The following GRID2 variants were observed in gnomAD, a reference collection of about 807,000 sequenced individuals.
GRID2 encodes the protein glutamate receptor ionotropic, delta-2.
A neutral mutation model predicts 114.8 loss-of-function variants in GRID2; 33 were observed. The ratio of observed to expected loss-of-function variants is 0.29; its 90% CI spans 0.22 to 0.38. The LOEUF is 0.38. Among genes scored for constraint, GRID2 ranks in the 10% least tolerant of loss-of-function variants. The pLI, the probability that GRID2 is intolerant of heterozygous loss-of-function variation, is 1.00. For synonymous variants in GRID2, 505 were observed against 449.9 expected (o/e 1.12, Z -1.55); for missense variants, 1,184 against 1,257.7 (o/e 0.94, Z 0.89).
chr4:93,461,938 A>G (rs951065404), intron 11 of GRID2, among the ~76,000 whole-genome samples: 1 of 152,156 alleles, frequency 6.6e-6, no homozygotes, highest in Non-Finnish European at 1.5e-5. Context: ...GAGGACTTCA[A>G]TGACTTTGCA....
intron 2 of GRID2, among the ~76,000 whole-genome samples, chr4:93,000,377 G>T (rs1377419886): frequency 1.3e-5 from 2 of 151,542 alleles, no homozygotes; most frequent in East Asian, 3.9e-4. Flanking sequence ...TGAATACCAT[G>T]ATTGGAGCTA....
At position 93,328,995 on chromosome 4, in the gene GRID2, A is replaced by C. The variant is rs150106057; in HGVS notation, c.1246-66612A>C. 2.0e-5 allele frequency among the ~76,000 whole-genome samples: 3 copies of C among 152,328 alleles called. No homozygotes were observed. In the East Asian group the frequency reaches 5.8e-4, roughly 29 times the overall value. On this transcript the variant is annotated intron_variant, in intron 8 of 15. Coordinates refer to ENST00000282020, the MANE Select transcript of GRID2 (RefSeq NM_001510.4). The stretch of plus-strand genomic sequence containing the variant: ...TCTTGCTGCAGTTTTAGTACCTACT[A>C]TAGTCCTTCATATAGGAGATGTTCA...
At position 93,163,384 on chromosome 4, in the gene GRID2, A is replaced by ATACACACTATATATATATATATATG. The variant is rs1737911205; in HGVS notation, c.736-44018_736-44017insCACACTATATATATATATATATGTA. ...TATATATATATATATATATATATAT[A>ATACACACTATATATATATATATATG]TATATATATATATATACACTATATA... On this transcript the variant is annotated intron_variant, in intron 4 of 15. Coordinates refer to ENST00000282020, the MANE Select transcript of GRID2 (RefSeq NM_001510.4). Among the ~76,000 whole-genome samples, 3 of 39,412 alleles carry ATACACACTATATATATATATATATG rather than the reference A, an allele frequency of 7.6e-5. 1 individual carries two copies. In the South Asian group the frequency reaches 2.2e-3, roughly 29 times the overall value. 25.9% of individuals were successfully genotyped at this position (39,412 alleles called of 152,430 possible). A position where few individuals can be genotyped will look rare whatever the true frequency, so the allele number is the denominator to read the frequency against.
At chr4:92,725,083 T>C (rs998114890) in intron 2 of GRID2, among the ~76,000 whole-genome samples, 6 of 151,998 alleles carry the variant, frequency 3.9e-5, no homozygotes, top group Admixed American at 6.6e-5. Context: ...GGTGGATCAC[T>C]TGAGGCTGGG....
intron 3 of GRID2, among the ~76,000 whole-genome samples, chr4:93,105,210 C>G (rs1177847047): frequency 1.3e-5 from 2 of 151,992 alleles, no homozygotes; most frequent in Admixed American, 1.3e-4. Flanking sequence ...CATATTAGCC[C>G]TTTGTCAGAT....
At chr4:92,896,353 C>G (rs1747164497) in intron 2 of GRID2, among the ~76,000 whole-genome samples, 1 of 152,064 alleles carries the variant, frequency 6.6e-6, no homozygotes, top group African/African-American at 2.4e-5. Flanking sequence ...AAATAAAATC[C>G]TGATAGAAAA....
intron 2 of GRID2, among the ~76,000 whole-genome samples, chr4:92,653,351 GT>G (rs1432887780): frequency 1.4e-5 from 2 of 147,932 alleles, no homozygotes; most frequent in African/African-American, 5.0e-5. Context: ...GTGTGTGTTT[GT>G]GTGTTTGTAA....
intron 1 of GRID2, among the ~76,000 whole-genome samples, chr4:92,342,927 A>G (rs1047925095): frequency 1.3e-5 from 2 of 152,164 alleles, no homozygotes; most frequent in Admixed American, 6.6e-5. Flanking sequence ...CACTGTGTAC[A>G]CCACGAATGA....
At chr4:93,411,658 T>C (rs1767147785) in intron 9 of GRID2, among the ~76,000 whole-genome samples, 1 of 152,018 alleles carries the variant, frequency 6.6e-6, no homozygotes, top group African/African-American at 2.4e-5. Context: ...GGTCTTGAAC[T>C]CCTGACCTCG....
rs574738720 is a variant in GRID2 at position 92,519,713 on chromosome 4, G to T, written c.89-70418G>T. On this transcript the variant is annotated intron_variant, in intron 1 of 15. Coordinates refer to ENST00000282020, the MANE Select transcript of GRID2 (RefSeq NM_001510.4). The stretch of plus-strand genomic sequence containing the variant: ...AAGTCCCAAGATCTCCATTTAGCAA[G>T]CTGAGACCCAGGAGAACCAATGGTG... Among the ~76,000 whole-genome samples, 4 of 151,860 alleles carry T rather than the reference G, an allele frequency of 2.6e-5. No homozygotes were observed. In the East Asian group the frequency reaches 7.8e-4, roughly 30 times the overall value.
intron 2 of GRID2, among the ~76,000 whole-genome samples, chr4:92,946,961 C>T (rs1209468789): frequency 1.3e-5 from 2 of 152,028 alleles, no homozygotes; most frequent in East Asian, 1.9e-4. Flanking sequence ...GGGTAACTCA[C>T]ATGTCCTTAC....
chr4:93,014,760 T>A (rs1465887871), intron 2 of GRID2, among the ~76,000 whole-genome samples: 2 of 152,168 alleles, frequency 1.3e-5, no homozygotes, highest in Middle Eastern at 3.2e-3. Flanking sequence ...GGAATTTTAA[T>A]ATGTTAATAT....
intron 2 of GRID2, among the ~76,000 whole-genome samples, chr4:92,696,245 T>C (rs1264338905): frequency 6.6e-6 from 1 of 152,130 alleles, no homozygotes; most frequent in Non-Finnish European, 1.5e-5. Context: ...CCTTGGAGCA[T>C]AATATGGGGA....
intron 2 of GRID2, among the ~76,000 whole-genome samples, chr4:92,697,067 G>T (rs1024646587): frequency 3.9e-5 from 6 of 152,262 alleles, no homozygotes; most frequent in African/African-American, 1.4e-4. Context: ...GCTTACAGTG[G>T]CATGAGCCTT....
At chr4:92,327,165 G>A (rs555145009) in intron 1 of GRID2, among the ~76,000 whole-genome samples, 3 of 151,992 alleles carry the variant, frequency 2.0e-5, no homozygotes, top group South Asian at 2.1e-4. Flanking sequence ...TAATTTTAAG[G>A]TAGCTTTTGC....
intron 4 of GRID2, among the ~76,000 whole-genome samples, chr4:93,170,777 A>G (rs1264832958): frequency 6.6e-6 from 1 of 151,998 alleles, no homozygotes. Flanking sequence ...GCGCACATCC[A>G]CTTAGATGTC....
chr4:93,315,987 C>A (rs890005515), intron 8 of GRID2, among the ~76,000 whole-genome samples: 1 of 152,008 alleles, frequency 6.6e-6, no homozygotes, highest in African/African-American at 2.4e-5. Context: ...CTGAGATAAT[C>A]AAACTAAGAA....
intron 4 of GRID2, among the ~76,000 whole-genome samples, chr4:93,182,708 C>T (rs1740011502): frequency 6.6e-6 from 1 of 152,226 alleles, no homozygotes; most frequent in South Asian, 2.1e-4. Flanking sequence ...CAAGATTCTA[C>T]ACCCAGACAT....
intron 13 of GRID2, among the ~76,000 whole-genome samples, chr4:93,577,826 T>G (rs1736568540): frequency 6.6e-6 from 1 of 152,194 alleles, no homozygotes; most frequent in African/African-American, 2.4e-5. Flanking sequence ...CTAATATTAT[T>G]AGGAAGCAAA....
Sources: gnomAD v4.1 joint callset for allele counts (sites outside exome capture counted in the v4.1 genomes callset) on GRCh38, gnomAD v4.1.1 for gene constraint, MANE v1.5 for transcripts, NCBI Gene and HGNC (gene_info 2026-07-23, HGNC 2026-07-21) for gene names.